The following KANSL2 variants were observed in gnomAD, a reference collection of about 807,000 sequenced individuals.
The protein encoded by KANSL2 is NSL complex protein NSL2.
In KANSL2, 34 loss-of-function variants were observed where a neutral mutation model predicts 55.6. That is an observed-to-expected ratio of 0.61 (90% CI 0.46 to 0.81). The LOEUF (loss-of-function observed/expected upper bound fraction) is 0.81, where lower values mean the gene tolerates loss of function less well. Ranked by LOEUF, KANSL2 falls within the 40% of genes least tolerant of loss-of-function variation. KANSL2 has a pLI of 0.00. For synonymous variants in KANSL2, 209 were observed against 214.3 expected, an observed-to-expected ratio of 0.98 and a Z score of 0.22; for missense variants, 502 against 609.9, an observed-to-expected ratio of 0.82 and a Z score of 1.86.
chr12:48,671,655 G>A (rs1247201132), intron 5 of KANSL2, 144 bp downstream of exon 5: 23 of 803,602 alleles, frequency 2.9e-5, no homozygotes, highest in South Asian at 6.8e-5. Flanking sequence ...TACCACCTAC[G>A]TTAGCGTGAG....
chr12:48,681,981 C>T (rs1435381932), intron 1 of KANSL2: 3 of 702,852 alleles, frequency 4.3e-6, no homozygotes, highest in Non-Finnish European at 7.8e-6. Flanking sequence ...CCTCAGAGCG[C>T]ACGACTGGGC....
At chr12:48,673,045 C>T (rs1939756258) in intron 4 of KANSL2, among the ~76,000 whole-genome samples, 1 of 152,064 alleles carries the variant, frequency 6.6e-6, no homozygotes, top group Admixed American at 6.6e-5. Flanking sequence ...AGGCATGAGC[C>T]ACTGTGCCCA....
chr12:48,657,211 T>C (rs926752971), intron 8 of KANSL2, among the ~76,000 whole-genome samples: 4 of 152,004 alleles, frequency 2.6e-5, no homozygotes, highest in African/African-American at 9.7e-5. Context: ...TGAAACCCAG[T>C]CTCCACAAAA....
chr12:48,681,943 C>A, intron 1 of KANSL2: 1 of 703,030 alleles, frequency 1.4e-6, no homozygotes, highest in South Asian at 1.5e-5. Context: ...CACGCCGCCT[C>A]CCCGCACGCC....
chr12:48,654,953 T>C lies in KANSL2; in HGVS notation c.1335A>G (p.Pro445=). The change falls in exon 9 of 10, where the codon CCA becomes CCG. Residue 445 remains proline (P), a synonymous_variant. Transcript: ENST00000420613. ...DHLVKEIAED[P]VDILGQMQMA... is the part of the protein sequence containing the mutation. The stretch of plus-strand genomic sequence containing the variant: ...GTTCTTCACTTGCCAAAATATCCAC[T>C]GGGTCTTCAGCAATTTCTTTGACTA... 1 of 1,568,506 alleles carries C rather than the reference T, an allele frequency of 6.4e-7. No homozygotes were observed. The highest frequency in any genetic ancestry group is 8.6e-7 in the Non-Finnish European group (1 of 1,156,396).
At chr12:48,680,346 T>C (rs569152881) in intron 2 of KANSL2, among the ~76,000 whole-genome samples, 3 of 152,212 alleles carry the variant, frequency 2.0e-5, no homozygotes, top group Non-Finnish European at 2.9e-5. Context: ...TCCACGCCAC[T>C]ATGCCCAGCG....
chr12:48,679,378 A>C (rs1273619883), intron 3 of KANSL2: 18 of 619,972 alleles, frequency 2.9e-5, no homozygotes, highest in Non-Finnish European at 4.0e-5. Context: ...AAACAGAAAA[A>C]TCAACTTAAA....
intron 5 of KANSL2, among the ~76,000 whole-genome samples, chr12:48,670,325 T>TA (rs1014366222): frequency 1.4e-3 from 206 of 147,864 alleles, no homozygotes; most frequent in African/African-American, 4.2e-3. Context: ...CTCTATTTAT[T>TA]AAAAAAAAAA....
Position 48,669,118 on chromosome 12 carries a change from A to C in KANSL2, c.864T>G (p.Gly288=), listed in dbSNP as rs1592104067. 2 of 1,546,616 alleles carry C rather than the reference A, an allele frequency of 1.3e-6. No homozygotes were observed. Among genetic ancestry groups the C allele is most frequent in the Non-Finnish European group, 1.7e-6 (2 of 1,144,952 alleles). The change falls in exon 6 of 10, where the codon GGT becomes GGG. Residue 288 remains glycine, a synonymous_variant. Transcript: ENST00000420613. ...LKERRMLATD[G]AAQQAHTTRS... ...ACACACAAATTACCTGTTGGGCAGCACCATCTGTGGCCAGCATTCTCCGTT... is the reference window on the plus strand; with the variant it reads ...ACACACAAATTACCTGTTGGGCAGCCCCATCTGTGGCCAGCATTCTCCGTT...
chr12:48,675,993 T>C (rs977436859), intron 4 of KANSL2, among the ~76,000 whole-genome samples: 5 of 152,188 alleles, frequency 3.3e-5, no homozygotes, highest in African/African-American at 4.8e-5. Context: ...AAACAAGTTA[T>C]AGATGTTTAT....
Position 48,679,721 on chromosome 12 carries a change from A to G in KANSL2, c.364T>C (p.Tyr122His). The G allele has an allele frequency of 6.2e-7, 1 of 1,612,950 alleles. No individual in the cohort carries two copies. Among genetic ancestry groups the G allele is most frequent in the South Asian group, 1.1e-5 (1 of 90,742 alleles). ...GETLLCQLSS[Y>H]AKTELGSQTP... ...TGAGACCCCAGCTCTGTCTTAGCAT[A>G]TGAGCTCAGCTGGCACAGGAGTGTT... is the stretch of plus-strand genomic sequence containing the variant. Residue 122 changes from tyrosine to histidine, a missense_variant, in exon 3 of 10, where the codon TAT (tyrosine) becomes CAT (histidine). Tyr to His is a moderately conservative substitution (Grantham distance 83). Transcript: ENST00000420613.
At chr12:48,666,232 CTTTT>C (rs1939596175) in intron 7 of KANSL2, among the ~76,000 whole-genome samples, 2 of 151,832 alleles carry the variant, frequency 1.3e-5, no homozygotes, top group South Asian at 4.1e-4. Flanking sequence ...AAAAAGAAAA[CTTTT>C]TAAAGAGCCA....
intron 7 of KANSL2, 77 bp downstream of exon 7, chr12:48,667,616 A>T: frequency 8.4e-7 from 1 of 1,184,586 alleles, no homozygotes. Flanking sequence ...TCCTTCAATT[A>T]AGCAAACTAG....
intron 4 of KANSL2, among the ~76,000 whole-genome samples, chr12:48,672,306 C>A (rs1395832726): frequency 6.7e-6 from 1 of 149,886 alleles, no homozygotes; most frequent in African/African-American, 2.5e-5. Flanking sequence ...CATCACTTAC[C>A]AGTCAAGACA....
chr12:48,682,204 G>A lies in KANSL2; in HGVS notation c.-27C>T, dbSNP rs1939944540. The stretch of plus-strand genomic sequence containing the variant: ...CATCTTACCTCAGGAGCTGCGCTGC[G>A]CCGCACTCTGCCGCGCCGCTCGCCC... On this transcript the variant is annotated 5_prime_UTR_variant, in exon 1 of 10. Transcript: ENST00000420613. The A allele has an allele frequency of 1.5e-6, 1 of 659,714 alleles. No homozygotes were observed. The allele number at this position is 659,714 out of a possible 1,614,324, so 40.9% of individuals were successfully genotyped here.
chr12:48,667,061 A>G (rs1231504108), intron 7 of KANSL2, among the ~76,000 whole-genome samples: 1 of 151,836 alleles, frequency 6.6e-6, no homozygotes, highest in Admixed American at 6.6e-5. Flanking sequence ...CGTGCCTATA[A>G]TCCCAGCTAC....
At chr12:48,659,918 T>A (rs1030752951) in intron 8 of KANSL2, among the ~76,000 whole-genome samples, 1 of 152,180 alleles carries the variant, frequency 6.6e-6, no homozygotes, top group Admixed American at 6.5e-5. Context: ...TACTATTACA[T>A]TGATATGAAA....
intron 8 of KANSL2, among the ~76,000 whole-genome samples, chr12:48,655,817 T>C (rs1352474664): frequency 1.3e-5 from 2 of 152,024 alleles, no homozygotes; most frequent in African/African-American, 4.8e-5. Flanking sequence ...TAACAACACC[T>C]TGGGAAGCCG....
In KANSL2 at chr12:48,662,347, A is replaced by G. The variant is rs1939503383; in HGVS notation, c.974-1728T>C. On this transcript the variant is annotated intron_variant, in intron 7 of 9. Transcript: ENST00000420613. Reference sequence around the variant, plus strand: ...CTCTAACTCCTGACCTCAGGTGATCAGCCCGCCTCAGCCTCCCAAAGTGTT... The same window carrying G: ...CTCTAACTCCTGACCTCAGGTGATCGGCCCGCCTCAGCCTCCCAAAGTGTT... 2.6e-5 allele frequency among the ~76,000 whole-genome samples: 4 copies of G among 152,310 alleles called. No individual in the cohort carries two copies. The South Asian group carries it at 8.3e-4, about 32-fold the overall frequency.
Sources: gnomAD v4.1 joint callset for allele counts (sites outside exome capture counted in the v4.1 genomes callset) on GRCh38, gnomAD v4.1.1 for gene constraint, MANE v1.5 for transcripts, NCBI Gene and HGNC (gene_info 2026-07-23, HGNC 2026-07-21) for gene names.